Variants in ADD2 observed in about 807,000 individuals in gnomAD.
ADD2 encodes the protein beta-adducin.
A neutral mutation model predicts 83.0 loss-of-function variants in ADD2; 23 were observed. The observed-to-expected ratio is 0.28, with a 90% confidence interval of 0.20 to 0.39. ADD2 has a LOEUF of 0.39. ADD2 is among the 10% of genes least tolerant of loss of function. ADD2 has a pLI of 1.00. For synonymous variants in ADD2, 375 were observed against 375.4 expected (o/e 1.00, Z 0.01); for missense variants, 758 against 944.9 (o/e 0.80, Z 2.59).
chr2:70,695,935 C>G (rs193269342), intron 5 of ADD2, 134 bp from the exon 6 acceptor site: 71 of 773,446 alleles, frequency 9.2e-5, no homozygotes, highest in South Asian at 6.4e-4. Flanking sequence ...TCTCTCCCCC[C>G]CAGCCATAAG....
In ADD2 at chr2:70,670,371, T is replaced by C. The variant is rs1414579523; in HGVS notation, c.1870+2507A>G. Among the ~76,000 whole-genome samples the C allele has an allele frequency of 5.3e-5, 8 of 152,242 alleles. 1 individual carries two copies. Among genetic ancestry groups the C allele is most frequent in the Admixed American group, 5.2e-4 (8 of 15,288 alleles). ...GTGTTTTTAAATGACTTGTTTGAGA[T>C]GGCTAGATTAGTTAGTGGCAGAGCT... is the stretch of plus-strand genomic sequence containing the variant. On this transcript the variant is annotated intron_variant, in intron 15 of 15. Transcript: ENST00000264436.
At position 70,735,239 on chromosome 2, in the gene ADD2, T is replaced by G. The variant is rs138147776; in HGVS notation, c.-153-22055A>C. Among the ~76,000 whole-genome samples, 172 of 152,186 alleles carry G rather than the reference T, an allele frequency of 1.1e-3. 1 individual carries two copies. The highest frequency in any genetic ancestry group is 3.6e-3 in the African/African-American group (151 of 41,522). ...AAGAAGGGGAAAAAAAAGAGTGCCC[T>G]CTGAATGAAACCCTGTGAACACACA... On this transcript the variant is annotated intron_variant, in intron 1 of 15. Transcript: ENST00000264436.
At chr2:70,690,667 C>G in intron 8 of ADD2, 119 bp downstream of exon 8, 1 of 1,219,044 alleles carries the variant, frequency 8.2e-7, no homozygotes, top group Non-Finnish European at 1.1e-6. Context: ...GGATAGAGAT[C>G]TTTCTTTTTT....
chr2:70,687,985 G>C (rs1553370810), intron 9 of ADD2, 39 bp downstream of exon 9: 1 of 1,546,144 alleles, frequency 6.5e-7, no homozygotes. Flanking sequence ...CCCTGTCAGA[G>C]CCCACTCCTG....
In ADD2 at chr2:70,706,511, A is replaced by G; in HGVS notation, c.-34-69T>C. 1.4e-6 allele frequency: 2 copies of G among 1,389,116 alleles called. No homozygotes were observed. Among genetic ancestry groups the G allele is most frequent in the South Asian group, 2.8e-5 (2 of 71,572 alleles). 86.0% of individuals were successfully genotyped at this position (1,389,116 alleles called of 1,614,324 possible). A position where few individuals can be genotyped will look rare whatever the true frequency, so the allele number is the denominator to read the frequency against. On this transcript the variant is annotated intron_variant, in intron 2 of 15. Transcript: ENST00000264436. The surrounding 1 kb of genome is among the most constrained non-coding windows in gnomAD (Gnocchi z 5.0). ...CATCGGGGTACACGTTTCTCAGAGC[A>G]CAGGGCTAGGTTCAGTTGGATTCTC...
chr2:70,738,256 AC>A (rs1673691075), intron 1 of ADD2, among the ~76,000 whole-genome samples: 1 of 152,150 alleles, frequency 6.6e-6, no homozygotes, highest in African/African-American at 2.4e-5. Context: ...ACCTCACCTA[AC>A]TTTTCACTAA....
In ADD2 at chr2:70,657,771, T is replaced by C. The variant is rs1553364358; in HGVS notation, c.*5654A>G. On this transcript the variant is annotated 3_prime_UTR_variant, in exon 16 of 16. Coordinates refer to ENST00000264436, the MANE Select transcript of ADD2 (RefSeq NM_001617.4). ...CCCACCACCCCCCAAACTCTTACGT[T>C]TTCTTTAAACTACCTAGAGATAAGC... 1 of 152,246 alleles carries C rather than the reference T, an allele frequency of 6.6e-6. No homozygotes were observed. Among genetic ancestry groups the C allele is most frequent in the Non-Finnish European group, 1.5e-5 (1 of 68,100 alleles). The allele number at this position is 152,246 out of a possible 1,614,324, so 9.4% of individuals were successfully genotyped here.
intron 2 of ADD2, among the ~76,000 whole-genome samples, chr2:70,712,443 CAAAAAAAATAAATAAAT>C (rs1672232433): frequency 8.1e-6 from 1 of 123,228 alleles, no homozygotes; most frequent in Non-Finnish European, 1.7e-5. Flanking sequence ...GACCCTGTCT[CAAAAAAAATAAATAAAT>C]AAAAAAAAAA....
In ADD2 at chr2:70,745,661, G is replaced by A. The variant is rs184372769; in HGVS notation, c.-154+22225C>T. ...AAAACCCTCCCAGGAGAGCAGCTAG[G>A]AACAGTAGATTGCTTGCCCCTCTTT... On this transcript the variant is annotated intron_variant, in intron 1 of 15. Transcript: ENST00000264436. Among the ~76,000 whole-genome samples the A allele has an allele frequency of 3.8e-3, 572 of 152,314 alleles. 6 individuals carry two copies. The highest frequency in any genetic ancestry group is 0.021 in the Admixed American group (317 of 15,302).
intron 1 of ADD2, among the ~76,000 whole-genome samples, chr2:70,715,766 C>T (rs1672432800): frequency 1.3e-5 from 2 of 152,066 alleles, no homozygotes; most frequent in African/African-American, 4.8e-5. Context: ...CAGCCCCCTC[C>T]TCTCTGCCCC....
At chr2:70,669,843 A>G (rs1257198700) in intron 15 of ADD2, among the ~76,000 whole-genome samples, 1 of 152,174 alleles carries the variant, frequency 6.6e-6, no homozygotes, top group East Asian at 1.9e-4. Flanking sequence ...GGGCCCTGAG[A>G]CCACATAGAG....
intron 6 of ADD2, among the ~76,000 whole-genome samples, chr2:70,693,498 G>C (rs1671152985): frequency 6.6e-6 from 1 of 152,202 alleles, no homozygotes; most frequent in African/African-American, 2.4e-5. Flanking sequence ...GACAAGATGG[G>C]TATCAAAGCA....
At chr2:70,762,118 A>C (rs115103602) in intron 1 of ADD2, among the ~76,000 whole-genome samples, 1 of 151,888 alleles carries the variant, frequency 6.6e-6, no homozygotes, top group Admixed American at 6.5e-5. Context: ...TTAATGTAAA[A>C]TAAAATTTTA....
At chr2:70,675,735 G>A in intron 13 of ADD2, 1 of 985,440 alleles carries the variant, frequency 1.0e-6, no homozygotes, top group Non-Finnish European at 1.2e-6. Flanking sequence ...TTCCAAAAGG[G>A]AGGCCACAGT....
chr2:70,734,095 A>G (rs934557965), intron 1 of ADD2, among the ~76,000 whole-genome samples: 2 of 152,122 alleles, frequency 1.3e-5, no homozygotes, highest in African/African-American at 4.8e-5. Flanking sequence ...CCCTTTCTCT[A>G]GCAAAATTTC....
chr2:70,727,875 G>A (rs893079000), intron 1 of ADD2, among the ~76,000 whole-genome samples: 2 of 149,616 alleles, frequency 1.3e-5, no homozygotes, highest in Non-Finnish European at 3.0e-5. Context: ...CAGCCTGGGC[G>A]ACAGAGGGAG....
At chr2:70,760,750 G>A (rs1675040690) in intron 1 of ADD2, 3 of 151,992 alleles carry the variant, frequency 2.0e-5, no homozygotes, top group Admixed American at 1.3e-4. Flanking sequence ...TCACTAAACT[G>A]CACATTTGTT....
In ADD2 at chr2:70,759,166, G is replaced by A. The variant is rs935294091; in HGVS notation, c.-154+8720C>T. 2.6e-5 allele frequency among the ~76,000 whole-genome samples: 4 copies of A among 152,186 alleles called. No homozygotes were observed. In the East Asian group the frequency reaches 7.7e-4, roughly 29 times the overall value. On this transcript the variant is annotated intron_variant, in intron 1 of 15. Coordinates refer to ENST00000264436, the MANE Select transcript of ADD2 (RefSeq NM_001617.4). The stretch of plus-strand genomic sequence containing the variant: ...AAAAGGCACAGAGAAAACCATTCCA[G>A]GCATTAAATGGAGCACTGAAATTTG...
At chr2:70,688,191 C>T (rs7340145) in intron 8 of ADD2, 69 bp from the exon 9 acceptor site, 337,999 of 1,320,690 alleles carry the variant, frequency 0.26, 44,919 homozygotes, top group East Asian at 0.39. Context: ...GAGAGGTTTT[C>T]CATTTTATTT....
Sources: allele counts gnomAD v4.1 joint callset (sites outside exome capture counted in the v4.1 genomes callset), GRCh38; gene constraint gnomAD v4.1.1; non-coding constraint Gnocchi (gnomAD v3.1); transcripts MANE v1.5; gene names NCBI Gene and HGNC (gene_info 2026-07-23, HGNC 2026-07-21).